Variants in PEX13 observed in about 807,000 individuals in gnomAD.
PEX13 encodes peroxisome biogenesis factor 13.
In PEX13, 28 loss-of-function variants were observed where a neutral mutation model predicts 34.5. The observed-to-expected ratio is 0.81, with a 90% confidence interval of 0.60 to 1.11. The LOEUF (loss-of-function observed/expected upper bound fraction) is 1.11, where lower values mean the gene tolerates loss of function less well. Among genes scored for constraint, PEX13 ranks in the 50% most tolerant of loss-of-function variants. The pLI is 0.00. For missense variants in PEX13, 550 were observed against 491.0 expected, an observed-to-expected ratio of 1.12 and a Z score of -1.13; for synonymous variants, 177 against 175.1, an observed-to-expected ratio of 1.01 and a Z score of -0.09.
chr2:61,027,427 T>C (rs917837891), intron 1 of PEX13, among the ~76,000 whole-genome samples: 1 of 152,098 alleles, frequency 6.6e-6, no homozygotes, highest in African/African-American at 2.4e-5. Context: ...AGTTGTTTCA[T>C]TTCCTGGGCT....
At position 61,032,038 on chromosome 2, in the gene PEX13, T is replaced by G. The variant is rs1680460970; in HGVS notation, c.712T>G (p.Leu238Val). ...ATSAKSWPIF[L>V]FFAVILGGPY... The stretch of plus-strand genomic sequence containing the variant: ...CTCAGCAAAATCTTGGCCAATATTC[T>G]TGTTCTTTGCTGTTATCCTTGGTGG... Residue 238 changes from leucine to valine, a missense_variant, in exon 2 of 4, where the codon TTG becomes GTG. Leu to Val is a conservative substitution (Grantham distance 32, BLOSUM62 1). Transcript: ENST00000295030. The G allele has an allele frequency of 3.1e-6, 5 of 1,613,874 alleles. No individual in the cohort carries two copies. The highest frequency in any genetic ancestry group is 4.2e-6 in the Non-Finnish European group (5 of 1,179,896).
intron 1 of PEX13, chr2:61,018,430 G>T (rs1680158542): frequency 2.0e-6 from 2 of 1,013,850 alleles, no homozygotes; most frequent in Middle Eastern, 2.2e-4. Context: ...CCTATGGATG[G>T]ACTTTGTGTG....
Position 61,031,888 on chromosome 2 carries a change from A to G in PEX13, c.562A>G (p.Ile188Val), listed in dbSNP as rs1360784990. Residue 188 changes from isoleucine (I) to valine (V), a missense_variant, in exon 2 of 4, where the codon ATA becomes GTA. By Grantham distance (29) the Ile-to-Val change is conservative. Coordinates refer to ENST00000295030, the MANE Select transcript of PEX13 (RefSeq NM_002618.4). The part of the protein sequence containing the change: ...VFSAFALVRT[I>V]RYLYRRLQRM... ...TTCAGCTTTTGCATTGGTTAGGACTATACGGTATCTTTACAGACGGCTACA... is the reference window on the plus strand; with the variant it reads ...TTCAGCTTTTGCATTGGTTAGGACTGTACGGTATCTTTACAGACGGCTACA... 1.9e-6 allele frequency: 3 copies of G among 1,613,642 alleles called. No individual in the cohort carries two copies. Among genetic ancestry groups the G allele is most frequent in the Non-Finnish European group, 1.7e-6 (2 of 1,179,498 alleles).
In PEX13 at chr2:61,050,499, A is replaced by G. The variant is rs1466844901; in HGVS notation, c.*1729A>G. On this transcript the variant is annotated 3_prime_UTR_variant, in exon 4 of 4. Transcript: ENST00000295030. ...ATTTCCCCAGAAAATTGGAAACTTC[A>G]TATACTTGGCTACGAACATACTACA... 3.3e-5 allele frequency: 5 copies of G among 152,394 alleles called. No individual in the cohort carries two copies. Among genetic ancestry groups the G allele is most frequent in the Non-Finnish European group, 7.3e-5 (5 of 68,048 alleles). 9.4% of individuals were successfully genotyped at this position (152,394 alleles called of 1,614,324 possible).
At chr2:61,046,548 A>G (rs1465692710) in intron 3 of PEX13, among the ~76,000 whole-genome samples, 2 of 152,208 alleles carry the variant, frequency 1.3e-5, no homozygotes, top group Non-Finnish European at 2.9e-5. Context: ...TTTATTGAGT[A>G]CTTACTATGT....
At chr2:61,031,077 CCCAGGAGTTTGAGA>C (rs1358984581) in intron 1 of PEX13, among the ~76,000 whole-genome samples, 7 of 152,112 alleles carry the variant, frequency 4.6e-5, no homozygotes, top group African/African-American at 1.4e-4. Flanking sequence ...ATCGTTTGAG[CCCAGGAGTTTGAGA>C]CCAGCCTGGG....
intron 2 of PEX13, among the ~76,000 whole-genome samples, chr2:61,039,246 T>TTA (rs1553424248): frequency 6.6e-6 from 1 of 152,118 alleles, no homozygotes; most frequent in African/African-American, 2.4e-5. Flanking sequence ...AAAAACTACT[T>TTA]TAAAGTTCAT....
At chr2:61,032,839 T>C (rs574492776) in intron 2 of PEX13, among the ~76,000 whole-genome samples, 1 of 152,300 alleles carries the variant, frequency 6.6e-6, no homozygotes, top group Admixed American at 6.5e-5. Context: ...AAACAAAAAC[T>C]ATCAAGCTGA....
Position 61,051,834 on chromosome 2 carries a change from T to C in PEX13, c.*3064T>C, listed in dbSNP as rs921049023. ...CATTTTATGTACGTACTTGATTCTG[T>C]CTGTGTCATAATTACACATTTACTT... is the stretch of plus-strand genomic sequence containing the variant. On this transcript the variant is annotated 3_prime_UTR_variant, in exon 4 of 4. Coordinates refer to ENST00000295030, the MANE Select transcript of PEX13 (RefSeq NM_002618.4). The C allele has an allele frequency of 4.6e-5, 7 of 152,356 alleles. No homozygotes were observed. Among genetic ancestry groups the C allele is most frequent in the Admixed American group, 1.3e-4 (2 of 15,276 alleles). The allele number at this position is 152,356 out of a possible 1,614,324, so 9.4% of individuals were successfully genotyped here. A position where few individuals can be genotyped will look rare whatever the true frequency, so the allele number is the denominator to read the frequency against.
rs1441442802 is a variant in PEX13 at position 61,048,655 on chromosome 2, T to C, written c.1097T>C (p.Val366Ala). ...TNPTLTKGAT[V>A]ADSLDEQEAA... The stretch of plus-strand genomic sequence containing the variant: ...CCAACACTAACTAAAGGAGCCACGG[T>C]TGCTGATTCTTTGGATGAACAGGAA... The change falls in exon 4 of 4, where the codon GTT (valine) becomes GCT (alanine). Residue 366 changes from valine to alanine, a missense_variant. Physicochemically the swap from Val to Ala is moderately conservative, Grantham distance 64 (BLOSUM62 0). Coordinates refer to ENST00000295030, the MANE Select transcript of PEX13 (RefSeq NM_002618.4). The C allele has an allele frequency of 6.2e-7, 1 of 1,614,032 alleles. No homozygotes were observed. The highest frequency in any genetic ancestry group is 1.7e-5 in the Admixed American group (1 of 60,014).
intron 1 of PEX13, among the ~76,000 whole-genome samples, chr2:61,026,473 G>A (rs1450292115): frequency 1.3e-5 from 2 of 149,440 alleles, no homozygotes; most frequent in Admixed American, 1.3e-4. Flanking sequence ...TCAGCCACCC[G>A]AGGAGCTGAG....
At chr2:61,023,479 T>G (rs917800419) in intron 1 of PEX13, among the ~76,000 whole-genome samples, 6 of 152,086 alleles carry the variant, frequency 3.9e-5, no homozygotes, top group Non-Finnish European at 5.9e-5. Flanking sequence ...GTCTGAGGAT[T>G]CATTTCTTTT....
At chr2:61,040,333 A>C (rs1047541122) in intron 2 of PEX13, among the ~76,000 whole-genome samples, 1 of 152,188 alleles carries the variant, frequency 6.6e-6, no homozygotes, top group East Asian at 1.9e-4. Context: ...CTTGGAACCA[A>C]CCCACATGTC....
intron 1 of PEX13, chr2:61,018,094 C>T (rs1680134738): frequency 9.7e-6 from 15 of 1,539,382 alleles, no homozygotes; most frequent in South Asian, 4.8e-5. Flanking sequence ...GGGCGTCTCT[C>T]TGGGTCTCTG....
chr2:61,027,795 T>A (rs1680385850), intron 1 of PEX13, among the ~76,000 whole-genome samples: 1 of 152,208 alleles, frequency 6.6e-6, no homozygotes, highest in South Asian at 2.1e-4. Context: ...TTATTGCTTA[T>A]ACTTGGGAGC....
At chr2:61,023,762 A>T in intron 1 of PEX13, among the ~76,000 whole-genome samples, 3 of 120,192 alleles carry the variant, frequency 2.5e-5, no homozygotes, top group Admixed American at 8.9e-5. Context: ...AGCTCTCTTG[A>T]CTTTTTGGCC....
intron 1 of PEX13, among the ~76,000 whole-genome samples, chr2:61,029,471 C>A (rs931950279): frequency 4.6e-5 from 7 of 152,224 alleles, no homozygotes; most frequent in African/African-American, 1.7e-4. Context: ...TATAACCCAG[C>A]AAACATGTCC....
At chr2:61,020,669 G>GT (rs1320912897) in intron 1 of PEX13, among the ~76,000 whole-genome samples, 1 of 151,520 alleles carries the variant, frequency 6.6e-6, no homozygotes, top group Non-Finnish European at 1.5e-5. Flanking sequence ...TTTTATTTTT[G>GT]TTTGAGATGG....
chr2:61,026,317 A>C (rs921578620), intron 1 of PEX13, among the ~76,000 whole-genome samples: 1 of 150,270 alleles, frequency 6.7e-6, no homozygotes, highest in Non-Finnish European at 1.5e-5. Flanking sequence ...AAACGGTTCC[A>C]GTGGCTGTGG....
Sources: gnomAD v4.1 joint callset for allele counts (sites outside exome capture counted in the v4.1 genomes callset) on GRCh38, gnomAD v4.1.1 for gene constraint, MANE v1.5 for transcripts, NCBI Gene and HGNC (gene_info 2026-07-23, HGNC 2026-07-21) for gene names.